FBXW2: variants seen among roughly 807,000 people sequenced by gnomAD.
FBXW2 encodes the protein F-box and WD repeat domain containing 2.
In FBXW2, 12 loss-of-function variants were observed where a neutral mutation model predicts 46.0. The observed-to-expected ratio is 0.26, with a 90% CI of 0.17 to 0.42. The LOEUF (loss-of-function observed/expected upper bound fraction) is 0.42. Ranked by LOEUF, FBXW2 falls within the 10% of genes least tolerant of loss-of-function variation. FBXW2 has a pLI of 1.00. For missense variants in FBXW2, 360 were observed against 537.0 expected (o/e 0.67, Z 3.26); for synonymous variants, 203 against 209.6 (o/e 0.97, Z 0.27).
In FBXW2 at chr9:120,757,523, G is replaced by A. The variant is rs1227228071; in HGVS notation, c.*7036C>T. 2 of 152,046 alleles carry A rather than the reference G, an allele frequency of 1.3e-5. No individual in the cohort carries two copies. The highest frequency in any genetic ancestry group is 2.4e-5 in the African/African-American group (1 of 41,396). The allele number at this position is 152,046 out of a possible 1,614,324, so 9.4% of individuals were successfully genotyped here. A position where few individuals can be genotyped will look rare whatever the true frequency, so the allele number is the denominator to read the frequency against. On this transcript the variant is annotated 3_prime_UTR_variant, in exon 8 of 8. Coordinates refer to ENST00000608872, the MANE Select transcript of FBXW2 (RefSeq NM_012164.4). Reference sequence around the variant, plus strand: ...TGGTTTAGCAAATTACAGTAATGAAGGAAAATTACAAAATATTATGGTAGT... The same window carrying A: ...TGGTTTAGCAAATTACAGTAATGAAAGAAAATTACAAAATATTATGGTAGT...
chr9:120,791,679 G>A (rs1316649316), intron 2 of FBXW2, among the ~76,000 whole-genome samples: 2 of 152,138 alleles, frequency 1.3e-5, no homozygotes, highest in Non-Finnish European at 2.9e-5. Flanking sequence ...TTATCACTAA[G>A]TTTCTCTTCA....
At chr9:120,781,432 T>C (rs1237047402) in intron 3 of FBXW2, among the ~76,000 whole-genome samples, 1 of 152,136 alleles carries the variant, frequency 6.6e-6, no homozygotes, top group Non-Finnish European at 1.5e-5. Flanking sequence ...TCAGTCTGAC[T>C]GCGAAATAGT....
chr9:120,786,138 C>A (rs1462493580), intron 3 of FBXW2, among the ~76,000 whole-genome samples: 4 of 150,828 alleles, frequency 2.7e-5, no homozygotes, highest in African/African-American at 9.8e-5. Flanking sequence ...AATACAAAGA[C>A]ACTAATAAAA....
chr9:120,770,004 CAG>C (rs76970366), intron 7 of FBXW2, among the ~76,000 whole-genome samples: 3,710 of 152,238 alleles, frequency 0.024, 303 homozygotes, highest in East Asian at 0.2. Context: ...ACTTTGTGAT[CAG>C]AGAGATGTGG....
chr9:120,759,685 T>G lies in FBXW2; in HGVS notation c.*4874A>C, dbSNP rs1368485067. The G allele has an allele frequency of 6.6e-6, 1 of 152,230 alleles. No homozygotes were observed. The highest frequency in any genetic ancestry group is 1.5e-5 in the Non-Finnish European group (1 of 68,044). 9.4% of individuals were successfully genotyped at this position (152,230 alleles called of 1,614,324 possible). A position where few individuals can be genotyped will look rare whatever the true frequency, so the allele number is the denominator to read the frequency against. On this transcript the variant is annotated 3_prime_UTR_variant, in exon 8 of 8. Transcript: ENST00000608872. ...CTTTTATCATCTGAATTACTAATTT[T>G]CCAGGGTTGAATATTAAAAACACAT...
chr9:120,778,786 T>C (rs2044552323), intron 3 of FBXW2, among the ~76,000 whole-genome samples: 1 of 152,206 alleles, frequency 6.6e-6, no homozygotes, highest in South Asian at 2.1e-4. Context: ...CCTTAACTTT[T>C]CAGGCTACAG....
At chr9:120,767,018 A>G (rs2044287556) in intron 7 of FBXW2, among the ~76,000 whole-genome samples, 2 of 152,206 alleles carry the variant, frequency 1.3e-5, no homozygotes. Flanking sequence ...AAACACTCCA[A>G]TGGATATAAC....
chr9:120,776,076 C>T lies in FBXW2; in HGVS notation c.819+17G>A. 1 of 1,612,920 alleles carries T rather than the reference C, an allele frequency of 6.2e-7. No individual in the cohort carries two copies. Among genetic ancestry groups the T allele is most frequent in the Non-Finnish European group, 8.5e-7 (1 of 1,179,512 alleles). On this transcript the variant is annotated intron_variant, in intron 5 of 7. Coordinates refer to ENST00000608872, the MANE Select transcript of FBXW2 (RefSeq NM_012164.4). Reference sequence around the variant, plus strand: ...AAAAAGCCTGATAAGCAGGAGACTTCTTCCAAGTCTTCCTACCTTGGTGAC... The same window carrying T: ...AAAAAGCCTGATAAGCAGGAGACTTTTTCCAAGTCTTCCTACCTTGGTGAC...
At position 120,775,945 on chromosome 9, in the gene FBXW2, G is replaced by A; in HGVS notation, c.819+148C>T. On this transcript the variant is annotated intron_variant, in intron 5 of 7. Transcript: ENST00000608872. ...ACCATGTATTAAGTACCTTCTACTT[G>A]CTGGTCACTGTTGTGTACCATTATG... The A allele has an allele frequency of 8.0e-6, 7 of 873,524 alleles. 1 individual carries two copies. In the South Asian group the frequency reaches 1.4e-4, roughly 18 times the overall value. The allele number at this position is 873,524 out of a possible 1,614,324, so 54.1% of individuals were successfully genotyped here. A position where few individuals can be genotyped will look rare whatever the true frequency, so the allele number is the denominator to read the frequency against.
At chr9:120,770,042 G>A (rs116641457) in intron 7 of FBXW2, among the ~76,000 whole-genome samples, 1,626 of 152,094 alleles carry the variant, frequency 0.011, 19 homozygotes, top group African/African-American at 0.037. Flanking sequence ...TGGTTATTGT[G>A]ATCAGATCCA....
At position 120,761,371 on chromosome 9, in the gene FBXW2, A is replaced by G. The variant is rs73662440; in HGVS notation, c.*3188T>C. On this transcript the variant is annotated 3_prime_UTR_variant, in exon 8 of 8. Transcript: ENST00000608872. ...GTCACCCAAGAAATCCAATCCTTGT[A>G]AGAAAGGATAGGGCTTATCTTCTCA... 5.9e-5 allele frequency: 9 copies of G among 152,212 alleles called. No individual in the cohort carries two copies. The highest frequency in any genetic ancestry group is 8.8e-5 in the Non-Finnish European group (6 of 68,036). 9.4% of individuals were successfully genotyped at this position (152,212 alleles called of 1,614,324 possible).
chr9:120,778,794 C>T (rs1168070074), intron 3 of FBXW2, among the ~76,000 whole-genome samples: 1 of 152,180 alleles, frequency 6.6e-6, no homozygotes, highest in Non-Finnish European at 1.5e-5. Flanking sequence ...TTTCAGGCTA[C>T]AGAAGGTCAT....
At chr9:120,789,371 AT>A (rs886618557) in intron 2 of FBXW2, among the ~76,000 whole-genome samples, 4 of 152,028 alleles carry the variant, frequency 2.6e-5, no homozygotes, top group African/African-American at 7.2e-5. Context: ...GTAACAAATA[AT>A]TTTTTTTAAA....
chr9:120,771,197 T>C (rs1030569583), intron 7 of FBXW2, 151 bp downstream of exon 7: 1 of 573,322 alleles, frequency 1.7e-6, no homozygotes, highest in Non-Finnish European at 2.8e-6. Flanking sequence ...GTCTGAGATG[T>C]TCAGTATATA....
At position 120,764,573 on chromosome 9, in the gene FBXW2, T is replaced by C; in HGVS notation, c.1351A>G (p.Lys451Glu). The change falls in exon 8 of 8, where the codon AAG becomes GAG. Residue 451 changes from lysine to glutamate, a missense_variant. Physicochemically the swap from Lys to Glu is moderately conservative, Grantham distance 56 (BLOSUM62 1). Transcript: ENST00000608872. ...PDHSIHLVLW[K>E]EHG The stretch of plus-strand genomic sequence containing the variant: ...GGCTCATGGTGTCAGCCGTGCTCCT[T>C]CCACAACACCAGGTGAATACTGTGG... 6.2e-7 allele frequency: 1 copy of C among 1,613,140 alleles called. No individual in the cohort carries two copies. Among genetic ancestry groups the C allele is most frequent in the Non-Finnish European group, 8.5e-7 (1 of 1,179,134 alleles).
intron 3 of FBXW2, among the ~76,000 whole-genome samples, chr9:120,779,958 C>T (rs887806240): frequency 5.3e-5 from 8 of 151,580 alleles, no homozygotes; most frequent in African/African-American, 1.7e-4. Flanking sequence ...TCAAGACCAT[C>T]GCGAAACCCT....
In FBXW2 at chr9:120,793,194, C is replaced by T. The variant is rs997570106; in HGVS notation, c.-66G>A. On this transcript the variant is annotated 5_prime_UTR_variant, in exon 2 of 8. Coordinates refer to ENST00000608872, the MANE Select transcript of FBXW2 (RefSeq NM_012164.4). ...CCGGGACCTCGCGCCGGGTTCACAGCTACTAGGCACGCTCGGACCGCCAGA... is the reference window on the plus strand; with the variant it reads ...CCGGGACCTCGCGCCGGGTTCACAGTTACTAGGCACGCTCGGACCGCCAGA... 25 of 566,222 alleles carry T rather than the reference C, an allele frequency of 4.4e-5. No individual in the cohort carries two copies. The highest frequency in any genetic ancestry group is 2.9e-4 in the African/African-American group (15 of 52,394). 35.1% of individuals were successfully genotyped at this position (566,222 alleles called of 1,614,324 possible).
At chr9:120,782,520 G>C (rs752469039) in intron 3 of FBXW2, among the ~76,000 whole-genome samples, 1 of 151,800 alleles carries the variant, frequency 6.6e-6, no homozygotes, top group African/African-American at 2.4e-5. Context: ...CACAGGCTGT[G>C]GGGGAAGGGG....
At position 120,788,352 on chromosome 9, in the gene FBXW2, A is replaced by T. The variant is rs373892552; in HGVS notation, c.-20-74T>A. On this transcript the variant is annotated intron_variant, in intron 2 of 7. Coordinates refer to ENST00000608872, the MANE Select transcript of FBXW2 (RefSeq NM_012164.4). ...AAGCAAGACTGCTAACAAATGAAGT[A>T]TTAAAAATTAGTGTAAAAAATCTGC... 126 of 1,399,256 alleles carry T rather than the reference A, an allele frequency of 9.0e-5. 1 individual carries two copies. In the African/African-American group the frequency reaches 1.5e-3, roughly 16 times the overall value. The allele number at this position is 1,399,256 out of a possible 1,614,324, so 86.7% of individuals were successfully genotyped here. A position where few individuals can be genotyped will look rare whatever the true frequency, so the allele number is the denominator to read the frequency against.
Sources: allele counts gnomAD v4.1 joint callset (sites outside exome capture counted in the v4.1 genomes callset), GRCh38; gene constraint gnomAD v4.1.1; transcripts MANE v1.5; gene names NCBI Gene and HGNC (gene_info 2026-07-23, HGNC 2026-07-21).